Variants in CDK13 observed in about 807,000 individuals in gnomAD.
CDK13 encodes cyclin-dependent kinase 13.
Under a neutral mutation model 137.6 loss-of-function variants are expected in CDK13, and 40 were observed. The observed-to-expected ratio is 0.29, with a 90% CI of 0.23 to 0.38. The LOEUF is 0.38. Among genes scored for constraint, CDK13 ranks in the 10% least tolerant of loss-of-function variants. The probability of loss-of-function intolerance (pLI) is 1.00; values close to 1 mark genes in which losing one functional copy is unlikely to be tolerated. For missense variants in CDK13, 1,704 were observed against 1,951.8 expected (o/e 0.87, Z 2.39); for synonymous variants, 869 against 760.1 (o/e 1.14, Z -2.36).
At chr7:39,989,785 T>C (rs1456756190) in intron 2 of CDK13, among the ~76,000 whole-genome samples, 1 of 136,314 alleles carries the variant, frequency 7.3e-6, no homozygotes, top group African/African-American at 2.8e-5. Context: ...TACTTTATCC[T>C]TTTTTTTTTT....
In CDK13 at chr7:39,987,716, A is replaced by C; in HGVS notation, c.1329A>C (p.Leu443=). ...ATTCTAGTATTTCTCCTAGCACACT[A>C]ACTCTGAAGAGTAGCCTGGCAGCTG... ...SRHSSISPST[L]TLKSSLAAEL... Residue 443 remains leucine, a synonymous_variant, in exon 2 of 14, where the codon CTA becomes CTC. Transcript: ENST00000181839. The C allele has an allele frequency of 6.2e-7, 1 of 1,614,160 alleles. No homozygotes were observed.
At chr7:39,952,275 A>G (rs1043510239) in intron 1 of CDK13, 5 of 157,510 alleles carry the variant, frequency 3.2e-5, no homozygotes, top group Middle Eastern at 3.2e-3. Context: ...CTTAAGATCT[A>G]GTATTGTACA....
In CDK13 at chr7:39,988,170, GAGA is replaced by G; in HGVS notation, c.1786_1788del (p.Lys596del). The G allele has an allele frequency of 1.2e-6, 2 of 1,614,116 alleles. No individual in the cohort carries two copies. The highest frequency in any genetic ancestry group is 1.7e-6 in the Non-Finnish European group (2 of 1,180,022). On this transcript the variant is annotated inframe_deletion, in exon 2 of 14. Transcript: ENST00000181839. ...ACTTACACCAAGCATAGGAGCCAAG[GAGA>G]AGGAGCAACATGTAGCTTTAGTCAC...
At chr7:39,999,949 A>G (rs1354312832) in intron 4 of CDK13, among the ~76,000 whole-genome samples, 1 of 152,172 alleles carries the variant, frequency 6.6e-6, no homozygotes, top group Non-Finnish European at 1.5e-5. Flanking sequence ...TTCAGAACAT[A>G]ATCAGGAATT....
chr7:39,975,606 T>A (rs890562011), intron 1 of CDK13, among the ~76,000 whole-genome samples: 2 of 152,196 alleles, frequency 1.3e-5, no homozygotes, highest in African/African-American at 4.8e-5. Context: ...TGTTTTATAA[T>A]GAATAATGTA....
intron 5 of CDK13, among the ~76,000 whole-genome samples, chr7:40,021,489 CAA>C (rs11303285): frequency 1.3e-5 from 2 of 151,622 alleles, no homozygotes; most frequent in Middle Eastern, 3.2e-3. Flanking sequence ...GAGACTGTCT[CAA>C]AAAAAAAGGA....
rs1228571309 is a variant in CDK13 at position 39,982,016 on chromosome 7, T to A, written c.1212-5583T>A. 2.0e-5 allele frequency among the ~76,000 whole-genome samples: 3 copies of A among 151,458 alleles called. No homozygotes were observed. In the East Asian group the frequency reaches 5.8e-4, roughly 29 times the overall value. The stretch of plus-strand genomic sequence containing the variant: ...TTTTTTCTTCTTTTTTTCTTTTTTT[T>A]TAATTATTATTATTATACTTTAAGT... On this transcript the variant is annotated intron_variant, in intron 1 of 13. Coordinates refer to ENST00000181839, the MANE Select transcript of CDK13 (RefSeq NM_003718.5).
chr7:40,087,641 C>T (rs1053517955), intron 11 of CDK13, among the ~76,000 whole-genome samples: 8 of 151,388 alleles, frequency 5.3e-5, no homozygotes, highest in East Asian at 1.9e-4. Context: ...CTCCACCTCC[C>T]GGGTTCATGC....
intron 3 of CDK13, 61 bp from the exon 4 acceptor site, chr7:39,999,300 A>G (rs1784633796): frequency 7.2e-7 from 1 of 1,397,888 alleles, no homozygotes; most frequent in South Asian, 1.4e-5. Context: ...ATATTGAGTT[A>G]TTAGACAGTT....
intron 2 of CDK13, among the ~76,000 whole-genome samples, chr7:39,990,998 G>T (rs1784443933): frequency 6.6e-6 from 1 of 150,934 alleles, no homozygotes; most frequent in Non-Finnish European, 1.5e-5. Context: ...TAGATCCGGT[G>T]TGTAACGAAT....
rs1784595863 is a variant in CDK13 at position 39,997,808 on chromosome 7, G to GA, written c.2042+151dup. The stretch of plus-strand genomic sequence containing the variant: ...AATATATGAATTCTATTAGAGTTTT[G>GA]AAAAAAATCATAATTGCTTGCATTC... On this transcript the variant is annotated intron_variant, in intron 3 of 13. Coordinates refer to ENST00000181839, the MANE Select transcript of CDK13 (RefSeq NM_003718.5). 9.5e-5 allele frequency: 58 copies of GA among 608,594 alleles called. No homozygotes were observed. The South Asian group carries it at 1.4e-3, about 15-fold the overall frequency. 37.7% of individuals were successfully genotyped at this position (608,594 alleles called of 1,614,324 possible).
intron 1 of CDK13, among the ~76,000 whole-genome samples, chr7:39,975,980 A>G (rs1252770388): frequency 4.6e-5 from 7 of 152,198 alleles, no homozygotes; most frequent in Non-Finnish European, 7.3e-5. Context: ...GGGAAGTGAT[A>G]GAGATGAGAC....
chr7:39,956,405 A>G (rs1700325005), intron 1 of CDK13, among the ~76,000 whole-genome samples: 1 of 152,190 alleles, frequency 6.6e-6, no homozygotes, highest in Admixed American at 6.5e-5. Context: ...GCTAACGCTA[A>G]TATTTATTTC....
chr7:40,014,452 CTTTTT>C (rs70996871), intron 5 of CDK13, among the ~76,000 whole-genome samples: 173 of 118,678 alleles, frequency 1.5e-3, no homozygotes, highest in South Asian at 3.0e-3. Context: ...ATTTCTCTCT[CTTTTT>C]TTTTTTTTTT....
chr7:40,052,246 G>A (rs1361821015), intron 7 of CDK13, among the ~76,000 whole-genome samples: 1 of 151,682 alleles, frequency 6.6e-6, no homozygotes, highest in Non-Finnish European at 1.5e-5. Context: ...GTGTGATCTC[G>A]GCTCACTGCA....
At chr7:39,989,241 TG>T (rs1177301585) in intron 2 of CDK13, among the ~76,000 whole-genome samples, 1 of 152,048 alleles carries the variant, frequency 6.6e-6, no homozygotes, top group Non-Finnish European at 1.5e-5. Flanking sequence ...CAGCTAAGAA[TG>T]TTTCTTTTTT....
intron 1 of CDK13, among the ~76,000 whole-genome samples, chr7:39,957,090 CGTGTGTGTGTGT>C (rs70996865): frequency 5.5e-4 from 78 of 141,014 alleles, no homozygotes; most frequent in East Asian, 4.6e-3. Context: ...ATCCCACTGT[CGTGTGTGTGTGT>C]GTGTGTGTGT....
At chr7:39,959,350 G>A (rs1377828207) in intron 1 of CDK13, among the ~76,000 whole-genome samples, 2 of 151,672 alleles carry the variant, frequency 1.3e-5, no homozygotes, top group Non-Finnish European at 2.9e-5. Flanking sequence ...TAGTAGAGAC[G>A]AGGTTTTTCC....
intron 9 of CDK13, among the ~76,000 whole-genome samples, chr7:40,063,816 C>T (rs1007290959): frequency 2.0e-5 from 3 of 151,844 alleles, no homozygotes; most frequent in African/African-American, 7.3e-5. Flanking sequence ...CACCACCATG[C>T]CCAGCTAATT....
Sources: allele counts gnomAD v4.1 joint callset (sites outside exome capture counted in the v4.1 genomes callset), GRCh38; gene constraint gnomAD v4.1.1; transcripts MANE v1.5; gene names NCBI Gene and HGNC (gene_info 2026-07-23, HGNC 2026-07-21).